Variants in HELZ2 observed in about 807,000 individuals in gnomAD.
HELZ2 encodes the protein helicase with zinc finger 2, also known as 3'-5' exoribonuclease HELZ2.
Under a neutral mutation model 208.8 loss-of-function variants are expected in HELZ2, and 143 were observed. The ratio of observed to expected loss-of-function variants is 0.68; its 90% CI spans 0.60 to 0.79. The LOEUF (loss-of-function observed/expected upper bound fraction) is 0.79, where lower values mean the gene tolerates loss of function less well. Among genes scored for constraint, HELZ2 ranks in the 30% least tolerant of loss-of-function variants. The pLI is 0.00. For missense variants in HELZ2, 3,690 were observed against 3,794.5 expected (o/e 0.97, Z 0.72); for synonymous variants, 1,705 against 1,693.7 (o/e 1.01, Z -0.16).
At chr20:63,562,997 G>C (rs1380623857) in exon 8 of HELZ2, 1 of 1,600,638 alleles carries the variant, frequency 6.2e-7, no homozygotes. Flanking sequence ...CCACACGCAG[G>C]CGTACTCATC....
chr20:63,566,388 C>A, exon 7 of HELZ2: 1 of 1,548,312 alleles, frequency 6.5e-7, no homozygotes, highest in Non-Finnish European at 8.7e-7. Flanking sequence ...CTGGCAGGAT[C>A]TCAAAACTGC....
chr20:63,566,956 A>G, exon 6 of HELZ2: 1 of 1,611,270 alleles, frequency 6.2e-7, no homozygotes, highest in Non-Finnish European at 8.5e-7. Flanking sequence ...AATCTCAGCC[A>G]GATTCAGCCA....
exon 6 of HELZ2, chr20:63,567,583 C>G (rs908049290): frequency 1.0e-5 from 16 of 1,593,398 alleles, no homozygotes; most frequent in Non-Finnish European, 1.4e-5. Context: ...GTGGCCGCCG[C>G]TGACGTGGCT....
At chr20:63,562,378 T>C (rs1232218086) in exon 9 of HELZ2, 2 of 1,584,872 alleles carry the variant, frequency 1.3e-6, no homozygotes, top group African/African-American at 1.3e-5. Flanking sequence ...GCTTCCTCCT[T>C]GCGGCTGGGG....
In HELZ2 at chr20:63,561,583, C is replaced by G; in HGVS notation, c.6836+18G>C. The G allele has an allele frequency of 6.3e-7, 1 of 1,592,932 alleles. No homozygotes were observed. Among genetic ancestry groups the G allele is most frequent in the Non-Finnish European group, 8.6e-7 (1 of 1,168,922 alleles). ...GCTCGGCCCCACTCCGCCCAAGCCC[C>G]AAAGACAGCAGGCACACCTGAGGCT... On this transcript the variant is annotated intron_variant, in intron 12 of 18. Transcript: ENST00000467148.
chr20:63,559,044 C>T (rs541788376), downstream of HELZ2: 4 of 559,972 alleles, frequency 7.1e-6, no homozygotes, highest in Admixed American at 7.3e-5. Flanking sequence ...GTTCCTGTCC[C>T]CAGATGCCCA....
At chr20:63,561,205 G>A in exon 14 of HELZ2, 1 of 1,612,982 alleles carries the variant, frequency 6.2e-7, no homozygotes, top group Non-Finnish European at 8.5e-7. Context: ...CTGCACAGGA[G>A]CAGGTGCAGA....
chr20:63,568,802 G>C (rs143856522), exon 5 of HELZ2: 1 of 1,611,904 alleles, frequency 6.2e-7, no homozygotes, highest in African/African-American at 1.3e-5. Flanking sequence ...CTCGAACACC[G>C]TATTGTCGGG....
intron 18 of HELZ2, 34 bp downstream of exon 19, chr20:63,559,893 GT>G: frequency 6.2e-7 from 1 of 1,600,692 alleles, no homozygotes. Flanking sequence ...CCTCACCTGT[GT>G]TCCCACCCTG....
At chr20:63,566,776 C>A in intron 6 of HELZ2, 68 bp downstream of exon 7, 1 of 1,435,552 alleles carries the variant, frequency 7.0e-7, no homozygotes, top group South Asian at 1.3e-5. Flanking sequence ...GCTCGTCCAT[C>A]AGCCGGAGAG....
chr20:63,570,647 A>AGGCCCCCC, intron 2 of HELZ2, 36 bp from the exon 4 acceptor site: 4 of 1,497,328 alleles, frequency 2.7e-6, no homozygotes, highest in Non-Finnish European at 3.7e-6. Flanking sequence ...AGAGGCCTGG[A>AGGCCCCCC]CCCCACCCCA....
At chr20:63,572,192 G>A (rs1225377489) in exon 1 of HELZ2, 1 of 1,608,454 alleles carries the variant, frequency 6.2e-7, no homozygotes, top group Non-Finnish European at 8.5e-7. Context: ...CACCATCTGT[G>A]CGTGCTCCGA....
intron 4 of HELZ2, 33 bp from the exon 6 acceptor site, chr20:63,569,032 C>T (rs749284412): frequency 1.9e-6 from 3 of 1,596,856 alleles, no homozygotes; most frequent in East Asian, 4.5e-5. Context: ...CTCATGGGGC[C>T]ACAGCTGCCA....
chr20:63,565,552 C>T (rs1457621119), exon 8 of HELZ2: 1 of 1,607,172 alleles, frequency 6.2e-7, no homozygotes, highest in African/African-American at 1.3e-5. Flanking sequence ...GCCCGTCCTC[C>T]CCGACGGTCA....
upstream of HELZ2, among the ~76,000 whole-genome samples, chr20:63,573,913 C>T (rs1166691741): frequency 6.6e-6 from 1 of 152,160 alleles, no homozygotes; most frequent in Non-Finnish European, 1.5e-5. The surrounding 1 kb of genome is among the most constrained non-coding windows in gnomAD (Gnocchi z 4.9). Flanking sequence ...CCAGAAAGGA[C>T]GGGAGCCGAG....
At chr20:63,560,616 T>G in exon 16 of HELZ2, 2 of 1,611,392 alleles carry the variant, frequency 1.2e-6, no homozygotes, top group Non-Finnish European at 1.7e-6. Context: ...CCCAGGACAC[T>G]GGGCGGCCTC....
chr20:63,570,708 G>A (rs757788400), exon 2 of HELZ2: 13 of 1,589,730 alleles, frequency 8.2e-6, no homozygotes, highest in East Asian at 4.6e-5. Flanking sequence ...CTGCTGCTGC[G>A]CTGGTACTCG....
chr20:63,558,965 A>G (rs541345789), downstream of HELZ2: 4 of 327,898 alleles, frequency 1.2e-5, no homozygotes, highest in South Asian at 2.3e-4. Flanking sequence ...TGGTTCTGAG[A>G]CTTCCCAGGG....
In HELZ2 at chr20:63,564,663, C is replaced by T. The variant is rs551625604; in HGVS notation, c.4159G>A (p.Val1387Met). 16 of 1,578,202 alleles carry T rather than the reference C, an allele frequency of 1.0e-5. No homozygotes were observed. The Admixed American group carries it at 1.3e-4, about 13-fold the overall frequency. Residue 1387 changes from valine to methionine, a missense_variant, in exon 8 of 19, where the codon GTG becomes ATG. Physicochemically the swap from Val to Met is conservative, Grantham distance 21 (BLOSUM62 1). Coordinates refer to ENST00000467148, the Ensembl canonical transcript of HELZ2. ...GCAGCGCCCTGCCTTCGCGCCTCCA[C>T]GTCCAGCACCCCGTCCCTGGGCACG...
Sources: gnomAD v4.1 joint callset for allele counts (sites outside exome capture counted in the v4.1 genomes callset) on GRCh38, gnomAD v4.1.1 for gene constraint, Gnocchi (gnomAD v3.1) non-coding constraint, MANE v1.5 for transcripts, NCBI Gene and HGNC (gene_info 2026-07-23, HGNC 2026-07-21) for gene names.